Variants in ITGA9 observed in about 807,000 individuals in gnomAD.
The protein encoded by ITGA9 is integrin alpha-9.
Under a neutral mutation model 127.8 loss-of-function variants are expected in ITGA9, and 56 were observed. That is an observed-to-expected ratio of 0.44 (90% CI 0.35 to 0.55). The LOEUF (loss-of-function observed/expected upper bound fraction) is 0.55. Among genes scored for constraint, ITGA9 ranks in the 20% least tolerant of loss-of-function variants. ITGA9 has a pLI of 0.00. For missense variants in ITGA9, 1,196 were observed against 1,347.1 expected (o/e 0.89, Z 1.76); for synonymous variants, 508 against 514.5 (o/e 0.99, Z 0.17).
At position 37,494,269 on chromosome 3, in the gene ITGA9, A is replaced by AAGTCTGCTGGGG. The variant is rs1698703121; in HGVS notation, c.545-231_545-220dup. Among the ~76,000 whole-genome samples, 6 of 152,188 alleles carry AAGTCTGCTGGGG rather than the reference A, an allele frequency of 3.9e-5. No homozygotes were observed. The South Asian group carries it at 1.2e-3, about 32-fold the overall frequency. On this transcript the variant is annotated intron_variant, in intron 4 of 27. Coordinates refer to ENST00000264741, the MANE Select transcript of ITGA9 (RefSeq NM_002207.3). ...CCTCTTTCTCGCACACGAGGGGAGG[A>AAGTCTGCTGGGG]AGTCTGCTGGGGCACTGGGCAGCCT...
At chr3:37,671,051 C>G (rs980494661) in intron 17 of ITGA9, among the ~76,000 whole-genome samples, 1 of 152,218 alleles carries the variant, frequency 6.6e-6, no homozygotes, top group Non-Finnish European at 1.5e-5. Context: ...AGCAGCGGGC[C>G]CTTGCCGGGT....
intron 16 of ITGA9, among the ~76,000 whole-genome samples, chr3:37,641,406 C>T (rs947127719): frequency 6.6e-6 from 1 of 152,158 alleles, no homozygotes. Context: ...TCAGATGAAC[C>T]TCTCTGGATC....
chr3:37,722,879 TAAGA>T (rs1458555850), intron 18 of ITGA9, among the ~76,000 whole-genome samples: 1 of 152,238 alleles, frequency 6.6e-6, no homozygotes, highest in African/African-American at 2.4e-5. Context: ...ATTTCACTGT[TAAGA>T]AACTGCCAGG....
chr3:37,511,272 C>T (rs1001571261), intron 8 of ITGA9, among the ~76,000 whole-genome samples: 4 of 152,248 alleles, frequency 2.6e-5, no homozygotes, highest in African/African-American at 9.6e-5. Flanking sequence ...AAATCACCAA[C>T]ATGTGTGCAG....
chr3:37,800,971 C>T (rs1171752250), intron 26 of ITGA9, among the ~76,000 whole-genome samples: 1 of 151,972 alleles, frequency 6.6e-6, no homozygotes, highest in East Asian at 1.9e-4. Context: ...TCGAGACCAG[C>T]CAGGCCAACA....
intron 15 of ITGA9, among the ~76,000 whole-genome samples, chr3:37,613,802 G>C (rs968250906): frequency 3.9e-5 from 6 of 152,234 alleles, no homozygotes; most frequent in Non-Finnish European, 8.8e-5. Flanking sequence ...CCCACTTGTT[G>C]ATGGGGTTGT....
chr3:37,620,468 A>C (rs1043538015), intron 15 of ITGA9, among the ~76,000 whole-genome samples: 8 of 152,114 alleles, frequency 5.3e-5, no homozygotes, highest in African/African-American at 1.9e-4. Flanking sequence ...GGAGCTCTCC[A>C]AGGTGCTTGA....
chr3:37,695,621 A>G (rs956964395), intron 18 of ITGA9, among the ~76,000 whole-genome samples: 1 of 152,108 alleles, frequency 6.6e-6, no homozygotes, highest in Non-Finnish European at 1.5e-5. Flanking sequence ...AGGCTTACAG[A>G]CAGTCTGGGC....
intron 1 of ITGA9, among the ~76,000 whole-genome samples, chr3:37,457,914 A>G (rs1698278295): frequency 6.6e-6 from 1 of 152,160 alleles, no homozygotes; most frequent in Admixed American, 6.5e-5. Flanking sequence ...GAGAGTGTGA[A>G]GGGCCGGGCC....
In ITGA9 at chr3:37,732,899, C is replaced by T. The variant is rs1032691852; in HGVS notation, c.2154+101C>T. ...CCTGAGGTGAGGAGTCCTCCCACCC[C>T]CTGCCTCCCATAGCAGCTGGGGCGG... On this transcript the variant is annotated intron_variant, in intron 19 of 27. Coordinates refer to ENST00000264741, the MANE Select transcript of ITGA9 (RefSeq NM_002207.3). 3.4e-6 allele frequency: 3 copies of T among 875,034 alleles called. No homozygotes were observed. In the Middle Eastern group the frequency reaches 6.4e-4, roughly 187 times the overall value. 54.2% of individuals were successfully genotyped at this position (875,034 alleles called of 1,614,324 possible).
At chr3:37,516,499 C>G (rs943499779) in intron 9 of ITGA9, among the ~76,000 whole-genome samples, 6 of 152,146 alleles carry the variant, frequency 3.9e-5, no homozygotes, top group African/African-American at 1.4e-4. Flanking sequence ...TGTACAGTAC[C>G]TGGTACATAG....
At chr3:37,717,499 C>A (rs546047758) in intron 18 of ITGA9, among the ~76,000 whole-genome samples, 4 of 152,106 alleles carry the variant, frequency 2.6e-5, no homozygotes, top group African/African-American at 4.8e-5. Context: ...ACAGGAAGCA[C>A]GACTAGGAGG....
intron 23 of ITGA9, chr3:37,753,835 C>A (rs1575222557): frequency 6.6e-6 from 1 of 152,284 alleles, no homozygotes; most frequent in East Asian, 1.9e-4. Flanking sequence ...ACATTGTCAG[C>A]AAACCACCCT....
intron 18 of ITGA9, among the ~76,000 whole-genome samples, chr3:37,702,070 G>A (rs1031592290): frequency 8.5e-5 from 13 of 152,166 alleles, no homozygotes; most frequent in Admixed American, 1.3e-4. Flanking sequence ...CATTGGAGGA[G>A]CCTGTTTGTA....
At chr3:37,673,082 T>C (rs1700652321) in intron 17 of ITGA9, among the ~76,000 whole-genome samples, 3 of 152,132 alleles carry the variant, frequency 2.0e-5, no homozygotes, top group African/African-American at 7.2e-5. Flanking sequence ...TCTGCAGGAA[T>C]CGAAAACAAT....
At chr3:37,784,895 T>C in intron 25 of ITGA9, 82 bp from the exon 26 acceptor site, 2 of 1,178,102 alleles carry the variant, frequency 1.7e-6, no homozygotes, top group Admixed American at 1.8e-5. Context: ...AATCATGGAA[T>C]TTCAGTTCTG....
At chr3:37,616,360 T>G (rs1700074499) in intron 15 of ITGA9, among the ~76,000 whole-genome samples, 3 of 152,200 alleles carry the variant, frequency 2.0e-5, no homozygotes, top group Admixed American at 2.0e-4. Context: ...TCTTTTACAT[T>G]TGCTGAGGAG....
At chr3:37,534,299 TCA>T (rs1699187388) in intron 14 of ITGA9, among the ~76,000 whole-genome samples, 1 of 152,272 alleles carries the variant, frequency 6.6e-6, no homozygotes, top group Non-Finnish European at 1.5e-5. Flanking sequence ...ATTTTTAATG[TCA>T]TGAGTGACTC....
chr3:37,797,647 A>C (rs1160805071), intron 26 of ITGA9, among the ~76,000 whole-genome samples: 2 of 152,212 alleles, frequency 1.3e-5, no homozygotes, highest in African/African-American at 4.8e-5. Context: ...ATATCAAAAA[A>C]ACACCTGTTT....
Sources: gnomAD v4.1 joint callset for allele counts (sites outside exome capture counted in the v4.1 genomes callset) on GRCh38, gnomAD v4.1.1 for gene constraint, MANE v1.5 for transcripts, NCBI Gene and HGNC (gene_info 2026-07-23, HGNC 2026-07-21) for gene names.